The following CDKL5 variants were observed in gnomAD, a reference collection of about 807,000 sequenced individuals.
The protein encoded by CDKL5 is cyclin-dependent kinase-like 5.
A neutral mutation model predicts 61.7 loss-of-function variants in CDKL5; 8 were observed. The observed-to-expected ratio is 0.13, with a 90% CI of 0.08 to 0.23. The LOEUF is 0.23. CDKL5 is among the 10% of genes least tolerant of loss of function. The pLI is 1.00. For missense variants in CDKL5, 440 were observed against 734.5 expected, an observed-to-expected ratio of 0.60 and a Z score of 4.63; for synonymous variants, 275 against 272.3, an observed-to-expected ratio of 1.01 and a Z score of -0.10.
chrX:18,629,165 T>G lies in CDKL5; in HGVS notation c.*408T>G. ...ACCGATGCCCTTACTACATATTTTT[T>G]TCTGCCTAGAGTAAATGTGGGGTTT... On this transcript the variant is annotated 3_prime_UTR_variant, in exon 18 of 18. Transcript: ENST00000623535. The G allele has an allele frequency of 1.3e-6, 1 of 764,560 alleles. No individual in the cohort carries two copies. The highest frequency in any genetic ancestry group is 7.5e-5 in the Admixed American group (1 of 13,268). The allele number at this position is 764,560 out of a possible 1,213,427, so 63.0% of individuals were successfully genotyped here. A position where few individuals can be genotyped will look rare whatever the true frequency, so the allele number is the denominator to read the frequency against.
At chrX:18,461,830 A>G (rs1263802935) in intron 1 of CDKL5, among the ~76,000 whole-genome samples, 1 of 112,162 alleles carries the variant, frequency 8.9e-6, no homozygotes, top group Non-Finnish European at 1.9e-5. Flanking sequence ...ACCTTGTCTA[A>G]TGGGGATAGG....
chrX:18,569,705 T>C (rs1925078474), intron 4 of CDKL5, among the ~76,000 whole-genome samples: 1 of 111,773 alleles, frequency 8.9e-6, no homozygotes, highest in African/African-American at 3.2e-5. Flanking sequence ...ACCTATTGTC[T>C]AGAATTTATT....
chrX:18,618,371 C>T (rs1381840736), intron 15 of CDKL5, among the ~76,000 whole-genome samples: 2 of 111,688 alleles, frequency 1.8e-5, no homozygotes, highest in East Asian at 2.8e-4. Context: ...AGTTACAGAA[C>T]GTTAAAAATA....
chrX:18,633,689 C>G lies in CDKL5; in HGVS notation c.*4932C>G. ...TAGGAAACTCTGGGCCTGCTGCCCC[C>G]TTCGATTCTTTTTTTTTTTCTTTGT... On this transcript the variant is annotated 3_prime_UTR_variant, in exon 18 of 18. Transcript: ENST00000623535. 1.3e-6 allele frequency: 1 copy of G among 753,810 alleles called. No individual in the cohort carries two copies. The highest frequency in any genetic ancestry group is 1.6e-6 in the Non-Finnish European group (1 of 639,185). 62.1% of individuals were successfully genotyped at this position (753,810 alleles called of 1,213,427 possible).
chrX:18,488,384 AAAAT>A (rs1314047534), intron 1 of CDKL5, among the ~76,000 whole-genome samples: 1 of 111,688 alleles, frequency 9.0e-6, no homozygotes, highest in Non-Finnish European at 1.9e-5. Context: ...TATGTAGTTC[AAAAT>A]AAATGTTACA....
At chrX:18,530,314 C>T (rs1254628871) in intron 3 of CDKL5, among the ~76,000 whole-genome samples, 5 of 97,232 alleles carry the variant, frequency 5.1e-5, no homozygotes, top group Admixed American at 1.2e-4. Context: ...CCAGCCTTGG[C>T]GACAGAGTGA....
chrX:18,469,352 A>C (rs1213654669), intron 1 of CDKL5, among the ~76,000 whole-genome samples: 1 of 103,077 alleles, frequency 9.7e-6, no homozygotes, highest in African/African-American at 3.6e-5. Context: ...AAAAAAAAAA[A>C]AAAAAAAAAA....
chrX:18,451,193 T>C (rs754246502), intron 1 of CDKL5, among the ~76,000 whole-genome samples: 7 of 111,891 alleles, frequency 6.3e-5, no homozygotes, highest in Non-Finnish European at 1.1e-4. Flanking sequence ...CTCTACTTCT[T>C]TTCTTTTTTA....
At chrX:18,589,427 G>T (rs753067008) in intron 9 of CDKL5, 1 of 110,968 alleles carries the variant, frequency 9.0e-6, no homozygotes, top group African/African-American at 3.3e-5. Flanking sequence ...TGCTGAGAAT[G>T]ATGGTTTCCA....
At chrX:18,466,363 A>G (rs1321531388) in intron 1 of CDKL5, among the ~76,000 whole-genome samples, 1 of 112,028 alleles carries the variant, frequency 8.9e-6, no homozygotes, top group Non-Finnish European at 1.9e-5. Context: ...TTATAAGCAA[A>G]TCTTATGAAA....
chrX:18,640,911 C>T (rs1246787909), downstream of CDKL5: 3 of 113,058 alleles, frequency 2.7e-5, no homozygotes, highest in Non-Finnish European at 5.6e-5. Flanking sequence ...GGCGCCGCCT[C>T]CAGGAACGGA....
intron 10 of CDKL5, among the ~76,000 whole-genome samples, 199 bp from the exon 11 acceptor site, chrX:18,598,263 A>C: frequency 9.0e-6 from 1 of 111,332 alleles, no homozygotes; most frequent in East Asian, 2.8e-4. Context: ...AAGGGCTGGG[A>C]TCATATATAC....
chrX:18,624,940 G>T (rs1016329548), intron 16 of CDKL5, among the ~76,000 whole-genome samples, 188 bp from the exon 17 acceptor site: 6 of 111,555 alleles, frequency 5.4e-5, no homozygotes, highest in Non-Finnish European at 9.4e-5. Context: ...TTATTAAGAG[G>T]GCAGAAGAAT....
At chrX:18,615,847 C>T (rs1926697979) in intron 15 of CDKL5, among the ~76,000 whole-genome samples, 1 of 112,335 alleles carries the variant, frequency 8.9e-6, no homozygotes, top group Non-Finnish European at 1.9e-5. Flanking sequence ...AAAAGTCAAG[C>T]TACTATGTTA....
At chrX:18,608,739 A>G (rs1926444540) in intron 12 of CDKL5, 72 bp from the exon 13 acceptor site, 1 of 694,856 alleles carries the variant, frequency 1.4e-6, no homozygotes, top group African/African-American at 2.1e-5. Flanking sequence ...AGTTCTACCA[A>G]ATAAAGGCCA....
intron 1 of CDKL5, among the ~76,000 whole-genome samples, chrX:18,472,762 A>G (rs907878923): frequency 9.1e-5 from 10 of 109,493 alleles, no homozygotes; most frequent in African/African-American, 3.0e-4. Context: ...TATAACATAC[A>G]TGCTAGATAG....
chrX:18,610,772 G>C (rs1180423522), intron 14 of CDKL5, among the ~76,000 whole-genome samples: 1 of 112,441 alleles, frequency 8.9e-6, no homozygotes, highest in East Asian at 2.8e-4. Context: ...CCCTGGTGGA[G>C]AAAATGGACA....
rs1927181971 is a variant in CDKL5, at chrX:18,629,758, G to A, written c.*1001G>A. ...GAGAATTCCAGCAGGCCTGGTTTCCGTCCTCACACACTTGGCTCCTGTTTG... is the reference window on the plus strand; with the variant it reads ...GAGAATTCCAGCAGGCCTGGTTTCCATCCTCACACACTTGGCTCCTGTTTG... On this transcript the variant is annotated 3_prime_UTR_variant, in exon 18 of 18. Transcript: ENST00000623535. The A allele has an allele frequency of 1.6e-5, 12 of 752,660 alleles. No homozygotes were observed. Among genetic ancestry groups the A allele is most frequent in the African/African-American group, 2.3e-5 (1 of 43,176 alleles). 62.0% of individuals were successfully genotyped at this position (752,660 alleles called of 1,213,427 possible). A position where few individuals can be genotyped will look rare whatever the true frequency, so the allele number is the denominator to read the frequency against.
chrX:18,605,338 A>T (rs191581870), intron 12 of CDKL5, among the ~76,000 whole-genome samples: 152 of 112,401 alleles, frequency 1.4e-3, no homozygotes, highest in African/African-American at 4.6e-3. Flanking sequence ...ATTTGTCCAG[A>T]ACTACAGATA....
Sources: gnomAD v4.1 joint callset for allele counts (sites outside exome capture counted in the v4.1 genomes callset) on GRCh38, gnomAD v4.1.1 for gene constraint, MANE v1.5 for transcripts, NCBI Gene and HGNC (gene_info 2026-07-23, HGNC 2026-07-21) for gene names.